Variants in CISD2 observed in about 807,000 individuals in gnomAD.
The protein encoded by CISD2 is CDGSH iron-sulfur domain-containing protein 2.
A neutral mutation model predicts 12.9 loss-of-function variants in CISD2; 1 was observed. That is an observed-to-expected ratio of 0.08 (90% CI 0.03 to 0.37). The LOEUF (loss-of-function observed/expected upper bound fraction) is 0.37. Among genes scored for constraint, CISD2 ranks in the 10% least tolerant of loss-of-function variants. The pLI, the probability that CISD2 is intolerant of heterozygous loss-of-function variation, is 0.99. For missense variants in CISD2, 97 were observed against 163.1 expected, an observed-to-expected ratio of 0.59 and a Z score of 2.21; for synonymous variants, 50 against 60.6, an observed-to-expected ratio of 0.83 and a Z score of 0.81.
intron 1 of CISD2, among the ~76,000 whole-genome samples, chr4:102,872,663 T>G (rs552981515): frequency 6.6e-6 from 1 of 152,264 alleles, no homozygotes; most frequent in East Asian, 1.9e-4. Flanking sequence ...TTTATGTCAT[T>G]TTATGTCATT....
In CISD2 at chr4:102,889,186, G is replaced by A. The variant is rs920053982; in HGVS notation, c.*1756G>A. ...TTTTGAGAAGTTTTACAAGGTGTATGTCCAAAATTGTTCTTTCCTCACATG... is the reference window on the plus strand; with the variant it reads ...TTTTGAGAAGTTTTACAAGGTGTATATCCAAAATTGTTCTTTCCTCACATG... On this transcript the variant is annotated 3_prime_UTR_variant, in exon 3 of 3. Coordinates refer to ENST00000273986, the MANE Select transcript of CISD2 (RefSeq NM_001008388.5). 3.3e-5 allele frequency: 5 copies of A among 150,956 alleles called. No individual in the cohort carries two copies. The highest frequency in any genetic ancestry group is 7.4e-5 in the Non-Finnish European group (5 of 67,676). 9.4% of individuals were successfully genotyped at this position (150,956 alleles called of 1,614,324 possible).
intron 1 of CISD2, among the ~76,000 whole-genome samples, chr4:102,873,987 G>C (rs1334085436): frequency 6.6e-6 from 1 of 151,974 alleles, no homozygotes; most frequent in Non-Finnish European, 1.5e-5. Context: ...TTAGCCGGGT[G>C]TGGTAGTGCA....
Position 102,889,150 on chromosome 4 carries a change from TGTA to T in CISD2, c.*1723_*1725del, listed in dbSNP as rs1307088751. ...GCAGCATGTATTTTAGAGTTAGAAA[TGTA>T]GTCTGGTTTTTGAGAAGTTTTACAA... On this transcript the variant is annotated 3_prime_UTR_variant, in exon 3 of 3. Transcript: ENST00000273986. 2 of 152,232 alleles carry T rather than the reference TGTA, an allele frequency of 1.3e-5. No homozygotes were observed. Among genetic ancestry groups the T allele is most frequent in the Non-Finnish European group, 2.9e-5 (2 of 68,050 alleles). 9.4% of individuals were successfully genotyped at this position (152,232 alleles called of 1,614,324 possible).
rs1302573700 is a variant in CISD2 at position 102,890,075 on chromosome 4, T to A, written c.*2645T>A. On this transcript the variant is annotated 3_prime_UTR_variant, in exon 3 of 3. Coordinates refer to ENST00000273986, the MANE Select transcript of CISD2 (RefSeq NM_001008388.5). ...AATGAACATCACTATTACATAAACATCAGGTATCCAAAAGTGTTAGCAGGC... is the reference window on the plus strand; with the variant it reads ...AATGAACATCACTATTACATAAACAACAGGTATCCAAAAGTGTTAGCAGGC... 1 of 152,192 alleles carries A rather than the reference T, an allele frequency of 6.6e-6. No homozygotes were observed. The highest frequency in any genetic ancestry group is 2.4e-5 in the African/African-American group (1 of 41,434). 9.4% of individuals were successfully genotyped at this position (152,192 alleles called of 1,614,324 possible).
chr4:102,877,886 C>G (rs1251314143), intron 1 of CISD2, among the ~76,000 whole-genome samples: 1 of 152,202 alleles, frequency 6.6e-6, no homozygotes, highest in African/African-American at 2.4e-5. Context: ...TTAGCCATGG[C>G]TGGGACACAG....
At position 102,890,513 on chromosome 4, in the gene CISD2, G is replaced by T. The variant is rs1254147386; in HGVS notation, c.*3083G>T. ...TAACCAATCTGGAGAGACCAGGGGA[G>T]ATGTTACTAATGCTTGTACTTTATT... On this transcript the variant is annotated 3_prime_UTR_variant, in exon 3 of 3. Transcript: ENST00000273986. The T allele has an allele frequency of 6.6e-6, 1 of 152,122 alleles. No individual in the cohort carries two copies. Among genetic ancestry groups the T allele is most frequent in the Non-Finnish European group, 1.5e-5 (1 of 68,030 alleles). 9.4% of individuals were successfully genotyped at this position (152,122 alleles called of 1,614,324 possible).
intron 1 of CISD2, among the ~76,000 whole-genome samples, chr4:102,883,545 A>G (rs1733778866): frequency 6.6e-6 from 1 of 152,200 alleles, no homozygotes; most frequent in Non-Finnish European, 1.5e-5. Flanking sequence ...GACAGTTTCT[A>G]CAAGTCTGTT....
chr4:102,874,627 C>A (rs1388718333), intron 1 of CISD2: 2 of 152,210 alleles, frequency 1.3e-5, no homozygotes, highest in African/African-American at 4.8e-5. Context: ...CAGAAAGAAT[C>A]AACCATGCTG....
At chr4:102,875,571 C>T (rs1257868483) in intron 1 of CISD2, among the ~76,000 whole-genome samples, 2 of 152,148 alleles carry the variant, frequency 1.3e-5, no homozygotes, top group African/African-American at 4.8e-5. Flanking sequence ...ATTCATAAGC[C>T]ATGAACAAAG....
Position 102,887,458 on chromosome 4 carries a change from T to C in CISD2, c.*28T>C. On this transcript the variant is annotated 3_prime_UTR_variant, in exon 3 of 3. Transcript: ENST00000273986. ...ATAATAACAATATTTTCTCATTCTT[T>C]GTGTATAGAAAATTTTAAAATGGTG... The C allele has an allele frequency of 2.1e-6, 2 of 946,918 alleles. No homozygotes were observed. The highest frequency in any genetic ancestry group is 1.4e-5 in the South Asian group (1 of 69,868). The allele number at this position is 946,918 out of a possible 1,614,324, so 58.7% of individuals were successfully genotyped here.
intron 1 of CISD2, among the ~76,000 whole-genome samples, chr4:102,880,750 T>C (rs941328346): frequency 2.0e-5 from 3 of 152,100 alleles, no homozygotes; most frequent in African/African-American, 7.2e-5. Context: ...CCCAGCACTT[T>C]GAGAGGCCAA....
Position 102,888,214 on chromosome 4 carries a change from G to A in CISD2, c.*784G>A, listed in dbSNP as rs184219643. On this transcript the variant is annotated 3_prime_UTR_variant, in exon 3 of 3. Coordinates refer to ENST00000273986, the MANE Select transcript of CISD2 (RefSeq NM_001008388.5). ...TTAATTCATATTAAAATAGTTCAGT[G>A]TTCAAAATTGTGTTTATGTGGATAT... is the stretch of plus-strand genomic sequence containing the variant. 6.6e-6 allele frequency: 1 copy of A among 152,256 alleles called. No individual in the cohort carries two copies. The highest frequency in any genetic ancestry group is 1.9e-4 in the East Asian group (1 of 5,190). 9.4% of individuals were successfully genotyped at this position (152,256 alleles called of 1,614,324 possible).
At chr4:102,878,999 T>C (rs1733652851) in intron 1 of CISD2, among the ~76,000 whole-genome samples, 1 of 152,164 alleles carries the variant, frequency 6.6e-6, no homozygotes, top group Non-Finnish European at 1.5e-5. Flanking sequence ...AAACTTACAA[T>C]TATGGTGGAA....
At chr4:102,878,409 A>G (rs947179648) in intron 1 of CISD2, among the ~76,000 whole-genome samples, 1 of 152,184 alleles carries the variant, frequency 6.6e-6, no homozygotes, top group East Asian at 1.9e-4. Context: ...GATTACAGGC[A>G]TGGGCCACCA....
At chr4:102,884,512 A>T (rs577125238) in intron 1 of CISD2, among the ~76,000 whole-genome samples, 2 of 152,274 alleles carry the variant, frequency 1.3e-5, no homozygotes, top group African/African-American at 4.8e-5. Context: ...TGAAATGTTT[A>T]TCTTGGTTTC....
At chr4:102,883,643 GT>G (rs1483766664) in intron 1 of CISD2, among the ~76,000 whole-genome samples, 1 of 152,200 alleles carries the variant, frequency 6.6e-6, no homozygotes, top group African/African-American at 2.4e-5. Flanking sequence ...CGCAAAAACA[GT>G]TCTGTGTTAT....
rs889231665 is a variant in CISD2 at position 102,891,518 on chromosome 4, T to C, written c.*4088T>C. ...TGAATTGGAATCAAGATAAGTAGTA[T>C]GTGTTATTCAAAAAGGCAGGATATG... On this transcript the variant is annotated 3_prime_UTR_variant, in exon 3 of 3. Transcript: ENST00000273986. The C allele has an allele frequency of 6.6e-6, 1 of 152,246 alleles. No homozygotes were observed. Among genetic ancestry groups the C allele is most frequent in the Non-Finnish European group, 1.5e-5 (1 of 68,046 alleles). The allele number at this position is 152,246 out of a possible 1,614,324, so 9.4% of individuals were successfully genotyped here.
chr4:102,872,072 T>G (rs888094500), intron 1 of CISD2, among the ~76,000 whole-genome samples: 1 of 152,210 alleles, frequency 6.6e-6, no homozygotes, highest in Non-Finnish European at 1.5e-5. Flanking sequence ...TATGTTTAAC[T>G]TAGGTTTTTG....
rs1362811748 is a variant in CISD2, at chr4:102,885,245, C to T, written c.133C>T (p.Leu45Phe). 2.5e-6 allele frequency: 4 copies of T among 1,614,078 alleles called. No individual in the cohort carries two copies. The highest frequency in any genetic ancestry group is 2.2e-5 in the East Asian group (1 of 44,870). Residue 45 changes from leucine to phenylalanine, a missense_variant, in exon 2 of 3, where the codon CTT becomes TTT. By Grantham distance (22) the Leu-to-Phe change is conservative. Transcript: ENST00000273986. The stretch of plus-strand genomic sequence containing the variant: ...AGAATGGCTTCGGTTATTGCCTTTC[C>T]TTGGTGTACTCGCACTTCTTGGCTA... ...VSEWLRLLPFLGVLALLGYLA... is the reference protein window; with the variant it reads ...VSEWLRLLPFFGVLALLGYLA...
Sources: gnomAD v4.1 joint callset for allele counts (sites outside exome capture counted in the v4.1 genomes callset) on GRCh38, gnomAD v4.1.1 for gene constraint, MANE v1.5 for transcripts, NCBI Gene and HGNC (gene_info 2026-07-23, HGNC 2026-07-21) for gene names.